CAMSAP3: variants seen among roughly 807,000 people sequenced by gnomAD.
The protein encoded by CAMSAP3 is calmodulin-regulated spectrin-associated protein 3.
A neutral mutation model predicts 112.5 loss-of-function variants in CAMSAP3; 34 were observed. That is an observed-to-expected ratio of 0.30 (90% CI 0.23 to 0.40). The LOEUF is 0.40. Among genes scored for constraint, CAMSAP3 ranks in the 10% least tolerant of loss-of-function variants. The pLI is 1.00. For synonymous variants in CAMSAP3, 868 were observed against 799.8 expected, an observed-to-expected ratio of 1.09 and a Z score of -1.44; for missense variants, 1,602 against 1,770.3, an observed-to-expected ratio of 0.90 and a Z score of 1.71.
intron 11 of CAMSAP3, among the ~76,000 whole-genome samples, chr19:7,613,666 A>G (rs1314658494): frequency 6.6e-6 from 1 of 151,766 alleles, no homozygotes; most frequent in Non-Finnish European, 1.5e-5. Flanking sequence ...GGATAGACAG[A>G]TGGATGAATG....
chr19:7,596,303 G>GA (rs2024439584), intron 1 of CAMSAP3, among the ~76,000 whole-genome samples, 153 bp downstream of exon 1: 2 of 149,990 alleles, frequency 1.3e-5, no homozygotes, highest in Non-Finnish European at 3.0e-5. Context: ...TGCCGCGCCG[G>GA]GGCCTCCGAG....
chr19:7,598,784 C>G (rs1385590026), intron 1 of CAMSAP3, among the ~76,000 whole-genome samples: 2 of 151,700 alleles, frequency 1.3e-5, no homozygotes, highest in Non-Finnish European at 2.9e-5. Context: ...GAGACTCTGT[C>G]TCAAAAAACA....
At chr19:7,614,350 T>C (rs554235251) in intron 11 of CAMSAP3, among the ~76,000 whole-genome samples, 10 of 147,984 alleles carry the variant, frequency 6.8e-5, no homozygotes, top group African/African-American at 1.7e-4. Context: ...TGTTTTCTTT[T>C]GTTTTTTGTT....
intron 1 of CAMSAP3, among the ~76,000 whole-genome samples, chr19:7,597,318 C>A (rs2024461776): frequency 6.6e-6 from 1 of 152,166 alleles, no homozygotes; most frequent in Admixed American, 6.6e-5. Context: ...GGGTCTACCT[C>A]CCTGCAGATA....
intron 11 of CAMSAP3, among the ~76,000 whole-genome samples, chr19:7,613,743 C>T (rs2030632290): frequency 6.6e-6 from 1 of 151,940 alleles, no homozygotes; most frequent in Non-Finnish European, 1.5e-5. Context: ...CAGCGCACCT[C>T]CTTGCTCATC....
chr19:7,606,139 C>A, intron 2 of CAMSAP3, 132 bp from the exon 3 acceptor site: 2 of 466,126 alleles, frequency 4.3e-6, no homozygotes, highest in Non-Finnish European at 7.6e-6. Context: ...ACCACTGGCC[C>A]CGCCCCCTCA....
At chr19:7,598,040 G>A (rs961964899) in intron 1 of CAMSAP3, among the ~76,000 whole-genome samples, 2 of 152,130 alleles carry the variant, frequency 1.3e-5, no homozygotes, top group Non-Finnish European at 2.9e-5. Flanking sequence ...GACTCTTGAC[G>A]GTATGATACC....
chr19:7,605,385 C>A lies in CAMSAP3; in HGVS notation c.308C>A (p.Ala103Glu). 6.4e-7 allele frequency: 1 copy of A among 1,556,356 alleles called. No individual in the cohort carries two copies. Among genetic ancestry groups the A allele is most frequent in the Non-Finnish European group, 8.7e-7 (1 of 1,146,544 alleles). The change falls in exon 2 of 17, where the codon GCA (alanine) becomes GAA (glutamate). Residue 103 changes from alanine (A) to glutamate (E), a missense_variant. Physicochemically the swap from Ala to Glu is moderately radical, Grantham distance 107. Transcript: ENST00000160298. ...PQLETPPNPS[A>E]LLALLARRGT... ...CTTGAAACACCCCCCAACCCCTCTG[C>A]ACTGCTGGCCCTGCTGGCGCGGAGG...
Position 7,611,013 on chromosome 19 carries a change from T to C in CAMSAP3, c.1049+82T>C, listed in dbSNP as rs941879369. ...GCCTTGCTGAGCACTGGGACGCAGC[T>C]GGGTGATGCTGTTGTCTCCCCCCGG... On this transcript the variant is annotated intron_variant, in intron 8 of 16. Transcript: ENST00000160298. The surrounding 1 kb of genome is among the most constrained non-coding windows in gnomAD (Gnocchi z 6.9). The C allele has an allele frequency of 6.3e-7, 1 of 1,589,142 alleles. No individual in the cohort carries two copies. The highest frequency in any genetic ancestry group is 2.2e-5 in the East Asian group (1 of 44,630).
chr19:7,618,200 C>A lies in CAMSAP3; in HGVS notation c.*143C>A. On this transcript the variant is annotated 3_prime_UTR_variant, in exon 17 of 17. Transcript: ENST00000160298. ...AGTCTCCACCCTCTGACTTTGAGTCCAGTCCTGCTGTGGGGGCTGAGCTGG... is the reference window on the plus strand; with the variant it reads ...AGTCTCCACCCTCTGACTTTGAGTCAAGTCCTGCTGTGGGGGCTGAGCTGG... 1.1e-6 allele frequency: 1 copy of A among 911,658 alleles called. No individual in the cohort carries two copies. The highest frequency in any genetic ancestry group is 1.6e-6 in the Non-Finnish European group (1 of 616,656). The allele number at this position is 911,658 out of a possible 1,614,324, so 56.5% of individuals were successfully genotyped here. A position where few individuals can be genotyped will look rare whatever the true frequency, so the allele number is the denominator to read the frequency against.
Position 7,610,353 on chromosome 19 carries a change from C to T in CAMSAP3, c.761-123C>T, listed in dbSNP as rs2030413457. On this transcript the variant is annotated intron_variant, in intron 5 of 16. Coordinates refer to ENST00000160298, the MANE Select transcript of CAMSAP3 (RefSeq NM_020902.2). This position sits in a 1 kb window ranked among gnomAD's most constrained non-coding sequence, Gnocchi z 4.9. ...AAAAAAGAATTCACCTCTCGAAGGG[C>T]ACCTGGCAGAAGCTGGGCTCATAGG... The T allele has an allele frequency of 1.2e-6, 1 of 807,096 alleles. No homozygotes were observed. Among genetic ancestry groups the T allele is most frequent in the Non-Finnish European group, 2.0e-6 (1 of 509,146 alleles). The allele number at this position is 807,096 out of a possible 1,614,324, so 50.0% of individuals were successfully genotyped here. A position where few individuals can be genotyped will look rare whatever the true frequency, so the allele number is the denominator to read the frequency against.
In CAMSAP3 at chr19:7,615,707, C is replaced by T. The variant is rs560595855; in HGVS notation, c.3100C>T (p.Arg1034Cys). 12 of 1,404,514 alleles carry T rather than the reference C, an allele frequency of 8.5e-6. 1 individual carries two copies. Among genetic ancestry groups the T allele is most frequent in the South Asian group, 6.2e-5 (4 of 64,460 alleles). 87.0% of individuals were successfully genotyped at this position (1,404,514 alleles called of 1,614,324 possible). Residue 1034 changes from arginine (R) to cysteine (C), a missense_variant, in exon 13 of 17, where the codon CGC becomes TGC. Transcript: ENST00000160298. This position sits in a 1 kb window ranked among gnomAD's most constrained non-coding sequence, Gnocchi z 6.5. ...CTCAGCCCTGGCACGAAGCCCAGCCCGCGGCCTGCTGGGTGAGGACCCTTG... is the reference window on the plus strand; with the variant it reads ...CTCAGCCCTGGCACGAAGCCCAGCCTGCGGCCTGCTGGGTGAGGACCCTTG... ...DDSALARSPARGLLGSRLSKI... is the reference protein window; with the variant it reads ...DDSALARSPACGLLGSRLSKI...
intron 11 of CAMSAP3, among the ~76,000 whole-genome samples, chr19:7,613,899 C>T (rs528787539): frequency 2.6e-5 from 4 of 152,198 alleles, no homozygotes; most frequent in East Asian, 1.9e-4. Context: ...GCCTCCATCC[C>T]GGGCCATTTT....
chr19:7,607,796 C>T lies in CAMSAP3; in HGVS notation c.622-330C>T. 8.9e-7 allele frequency: 1 copy of T among 1,119,448 alleles called. No individual in the cohort carries two copies. The highest frequency in any genetic ancestry group is 1.7e-5 in the South Asian group (1 of 58,762). The allele number at this position is 1,119,448 out of a possible 1,614,324, so 69.3% of individuals were successfully genotyped here. On this transcript the variant is annotated intron_variant, in intron 4 of 16. Transcript: ENST00000160298. The surrounding 1 kb of genome is among the most constrained non-coding windows in gnomAD (Gnocchi z 4.9). ...AGCAGGTCAGCACCCCTCCCCCTTG[C>T]TGATGGCTGCTCCTCTCCCCCCAGC...
In CAMSAP3 at chr19:7,615,305, G is replaced by C. The variant is rs1178510728; in HGVS notation, c.2793G>C (p.Arg931=). The part of the protein sequence containing the change: ...KQWQEVEKEQ[R]REEAARLAQE... ...GGCAGGAGGTGGAGAAGGAACAGCG[G>C]AGGGAGGAGGCCGCGAGGTGAGGCC... The change falls in exon 12 of 17, where the codon CGG becomes CGC. Residue 931 remains arginine (R), a synonymous_variant. Coordinates refer to ENST00000160298, the MANE Select transcript of CAMSAP3 (RefSeq NM_020902.2). This position sits in a 1 kb window ranked among gnomAD's most constrained non-coding sequence, Gnocchi z 6.5. 1 of 1,547,052 alleles carries C rather than the reference G, an allele frequency of 6.5e-7. No homozygotes were observed. The highest frequency in any genetic ancestry group is 8.7e-7 in the Non-Finnish European group (1 of 1,144,842).
In CAMSAP3 at chr19:7,611,034, C is replaced by A; in HGVS notation, c.1050-61C>A. On this transcript the variant is annotated intron_variant, in intron 8 of 16. Coordinates refer to ENST00000160298, the MANE Select transcript of CAMSAP3 (RefSeq NM_020902.2). This position sits in a 1 kb window ranked among gnomAD's most constrained non-coding sequence, Gnocchi z 6.9. ...CAGCTGGGTGATGCTGTTGTCTCCCCCCGGGGAGAGGCGGAGGAGGAGGTG... is the reference window on the plus strand; with the variant it reads ...CAGCTGGGTGATGCTGTTGTCTCCCACCGGGGAGAGGCGGAGGAGGAGGTG... The A allele has an allele frequency of 6.2e-7, 1 of 1,603,282 alleles. No individual in the cohort carries two copies. The highest frequency in any genetic ancestry group is 8.5e-7 in the Non-Finnish European group (1 of 1,171,558).
chr19:7,606,483 G>A lies in CAMSAP3; in HGVS notation c.533G>A (p.Arg178Gln). 6.3e-7 allele frequency: 1 copy of A among 1,588,206 alleles called. No individual in the cohort carries two copies. Among genetic ancestry groups the A allele is most frequent in the Non-Finnish European group, 8.5e-7 (1 of 1,173,112 alleles). The change falls in exon 4 of 17, where the codon CGG becomes CAG. Residue 178 changes from arginine (R) to glutamine (Q), a missense_variant. Coordinates refer to ENST00000160298, the MANE Select transcript of CAMSAP3 (RefSeq NM_020902.2). Reference protein sequence around the residue: ...KLLFWVDTTVRRLQEKTEQEA... With the variant: ...KLLFWVDTTVQRLQEKTEQEA... ...CCCCTCCCTGCCCTCCAGACCGTCCGGCGGCTGCAGGAGAAGACCGAGCAG... is the reference window on the plus strand; with the variant it reads ...CCCCTCCCTGCCCTCCAGACCGTCCAGCGGCTGCAGGAGAAGACCGAGCAG...
chr19:7,617,308 A>C lies in CAMSAP3; in HGVS notation c.3213-18A>C. 6.3e-7 allele frequency: 1 copy of C among 1,584,732 alleles called. No homozygotes were observed. Among genetic ancestry groups the C allele is most frequent in the Non-Finnish European group, 8.7e-7 (1 of 1,153,902 alleles). Reference sequence around the variant, plus strand: ...CCCATCCTGACCCCACCTCCATCCCATCCTTCTCCCACTGCAGGGCTCCCT... The same window carrying C: ...CCCATCCTGACCCCACCTCCATCCCCTCCTTCTCCCACTGCAGGGCTCCCT... On this transcript the variant is annotated intron_variant, in intron 14 of 16. Transcript: ENST00000160298. This position sits in a 1 kb window ranked among gnomAD's most constrained non-coding sequence, Gnocchi z 7.5.
chr19:7,601,139 C>G (rs1391707820), intron 1 of CAMSAP3, among the ~76,000 whole-genome samples: 1 of 152,018 alleles, frequency 6.6e-6, no homozygotes, highest in Non-Finnish European at 1.5e-5. Flanking sequence ...AAACAAACAA[C>G]AAAAACCAGT....
Sources: allele counts gnomAD v4.1 joint callset (sites outside exome capture counted in the v4.1 genomes callset), GRCh38; gene constraint gnomAD v4.1.1; non-coding constraint Gnocchi (gnomAD v3.1); transcripts MANE v1.5; gene names NCBI Gene and HGNC (gene_info 2026-07-23, HGNC 2026-07-21).